SCML4: variants seen among roughly 807,000 people sequenced by gnomAD.
SCML4 encodes the protein Scm polycomb group protein like 4.
A neutral mutation model predicts 41.1 loss-of-function variants in SCML4; 34 were observed. That is an observed-to-expected ratio of 0.83 (90% CI 0.63 to 1.10). SCML4 has a LOEUF of 1.10. Among genes scored for constraint, SCML4 ranks in the 50% least tolerant of loss-of-function variants. The probability of loss-of-function intolerance (pLI) is 0.00; values close to 1 mark genes in which losing one functional copy is unlikely to be tolerated. For synonymous variants in SCML4, 214 were observed against 220.9 expected (o/e 0.97, Z 0.28); for missense variants, 522 against 534.1 (o/e 0.98, Z 0.22).
At chr6:107,749,044 C>CA (rs1266147871) in intron 3 of SCML4, among the ~76,000 whole-genome samples, 7 of 151,990 alleles carry the variant, frequency 4.6e-5, no homozygotes, top group African/African-American at 1.5e-4. Context: ...CATCTAAAAG[C>CA]AATGGGAGGG....
At chr6:107,826,053 G>A (rs1371345013), upstream of SCML4, among the ~76,000 whole-genome samples, 1 of 151,472 alleles carries the variant, frequency 6.6e-6, no homozygotes, top group Non-Finnish European at 1.5e-5. Flanking sequence ...AGACCAGACT[G>A]GCCAACATGG....
intron 1 of SCML4, among the ~76,000 whole-genome samples, chr6:107,778,870 T>C (rs543035015): frequency 6.6e-6 from 1 of 152,316 alleles, no homozygotes; most frequent in Admixed American, 6.5e-5. Flanking sequence ...TTAGGTACTC[T>C]GATGTCAAAT....
At chr6:107,797,349 A>G (rs2176558) in intron 1 of SCML4, among the ~76,000 whole-genome samples, 70,526 of 151,826 alleles carry the variant, frequency 0.46, 16,554 homozygotes, top group Admixed American at 0.49. Flanking sequence ...CGTCTTGCAC[A>G]TTTTGTTAAA....
At chr6:107,778,956 G>A (rs1256515755) in intron 1 of SCML4, among the ~76,000 whole-genome samples, 4 of 152,042 alleles carry the variant, frequency 2.6e-5, no homozygotes, top group South Asian at 2.1e-4. Flanking sequence ...CGAGGCGGGC[G>A]GATCACGAGG....
intron 2 of SCML4, among the ~76,000 whole-genome samples, chr6:107,754,137 A>G (rs1778916793): frequency 6.6e-6 from 1 of 152,228 alleles, no homozygotes; most frequent in South Asian, 2.1e-4. Flanking sequence ...CAGCAAGCAC[A>G]TTGGCTGCAC....
intron 6 of SCML4, among the ~76,000 whole-genome samples, chr6:107,715,303 C>T (rs1371871365): frequency 2.1e-5 from 3 of 145,382 alleles, no homozygotes; most frequent in Non-Finnish European, 4.5e-5. Context: ...TTAATCAGCT[C>T]TTGCCATGCT....
chr6:107,817,830 C>T (rs939269586), intron 1 of SCML4, among the ~76,000 whole-genome samples: 6 of 152,014 alleles, frequency 3.9e-5, no homozygotes, highest in Non-Finnish European at 8.8e-5. Context: ...CCTCCCAAAT[C>T]GAGTACTAAC....
chr6:107,752,845 G>C (rs1178014617), intron 2 of SCML4, among the ~76,000 whole-genome samples: 3 of 152,162 alleles, frequency 2.0e-5, no homozygotes, highest in African/African-American at 7.2e-5. Flanking sequence ...TAGTATGTTA[G>C]AAGGTGATAA....
chr6:107,709,034 C>T (rs1310538442), intron 6 of SCML4, among the ~76,000 whole-genome samples: 4 of 152,124 alleles, frequency 2.6e-5, no homozygotes, highest in African/African-American at 7.2e-5. Context: ...TGCCCTTCCA[C>T]CCCTGCTGCC....
Position 107,756,026 on chromosome 6 carries a change from C to G in SCML4, c.157-6213G>C, listed in dbSNP as rs184511493. Among the ~76,000 whole-genome samples the G allele has an allele frequency of 2.6e-3, 395 of 152,298 alleles. 5 individuals are homozygous for G. Among genetic ancestry groups the G allele is most frequent in the Non-Finnish European group, 4.0e-4 (27 of 68,032 alleles). ...TGAAATAAATATTCATGAATCCACA[C>G]TGACATAAATAGGTGGTTGACTCAG... is the stretch of plus-strand genomic sequence containing the variant. On this transcript the variant is annotated intron_variant, in intron 2 of 7. Coordinates refer to ENST00000369020, the MANE Select transcript of SCML4 (RefSeq NM_198081.5).
intron 2 of SCML4, among the ~76,000 whole-genome samples, chr6:107,765,713 C>T (rs1038087738): frequency 3.3e-5 from 5 of 151,954 alleles, no homozygotes; most frequent in Non-Finnish European, 5.9e-5. Flanking sequence ...GCTAATTTTA[C>T]GACTCCATCT....
intron 1 of SCML4, among the ~76,000 whole-genome samples, chr6:107,821,682 C>T (rs990254313): frequency 6.6e-6 from 1 of 152,176 alleles, no homozygotes; most frequent in Non-Finnish European, 1.5e-5. Context: ...GTGTCACCTG[C>T]CACGCTCTTC....
intron 1 of SCML4, among the ~76,000 whole-genome samples, chr6:107,815,767 G>C (rs1191500396): frequency 6.6e-6 from 1 of 152,182 alleles, no homozygotes; most frequent in African/African-American, 2.4e-5. Flanking sequence ...TAAAAATTAT[G>C]GGTGTGAGTG....
the SCML4 span, among the ~76,000 whole-genome samples, chr6:107,830,918 A>G: frequency 6.6e-6 from 1 of 151,996 alleles, no homozygotes. Flanking sequence ...CACCTACAAT[A>G]TTTCCCCCAA....
At chr6:107,722,333 G>T (rs932410678) in intron 5 of SCML4, among the ~76,000 whole-genome samples, 1 of 151,664 alleles carries the variant, frequency 6.6e-6, no homozygotes, top group Non-Finnish European at 1.5e-5. Flanking sequence ...TGGGTTTTTT[G>T]TTTGTTTTAT....
chr6:107,761,694 C>A (rs965597349), intron 2 of SCML4, among the ~76,000 whole-genome samples: 1 of 152,024 alleles, frequency 6.6e-6, no homozygotes, highest in African/African-American at 2.4e-5. Flanking sequence ...GCCTTGGCCT[C>A]CCAAAGTGCT....
At chr6:107,768,239 C>T (rs1780234014) in intron 2 of SCML4, among the ~76,000 whole-genome samples, 1 of 152,124 alleles carries the variant, frequency 6.6e-6, no homozygotes, top group African/African-American at 2.4e-5. Flanking sequence ...AGGTGACAAG[C>T]AACAATACAG....
chr6:107,773,515 C>A (rs916541537), intron 1 of SCML4, among the ~76,000 whole-genome samples: 1 of 142,124 alleles, frequency 7.0e-6, no homozygotes, highest in Non-Finnish European at 1.5e-5. Context: ...TTGCTTGAAC[C>A]AGGGAGGCAG....
At chr6:107,743,620 A>G (rs545139599) in intron 5 of SCML4, among the ~76,000 whole-genome samples, 19 of 152,346 alleles carry the variant, frequency 1.2e-4, no homozygotes, top group African/African-American at 3.8e-4. Context: ...CCCATAGGAA[A>G]TCTAGGCCCG....
Sources: gnomAD v4.1 joint callset for allele counts (sites outside exome capture counted in the v4.1 genomes callset) on GRCh38, gnomAD v4.1.1 for gene constraint, MANE v1.5 for transcripts, NCBI Gene and HGNC (gene_info 2026-07-23, HGNC 2026-07-21) for gene names.